The following TUBB8 variants were observed in gnomAD, a reference collection of about 807,000 sequenced individuals.
TUBB8 encodes tubulin beta-8 chain.
A neutral mutation model predicts 33.7 loss-of-function variants in TUBB8; 25 were observed. The observed-to-expected ratio is 0.74, with a 90% CI of 0.54 to 1.04. TUBB8 has a LOEUF of 1.04. Among genes scored for constraint, TUBB8 ranks in the 50% least tolerant of loss-of-function variants. TUBB8 has a pLI of 0.00. For missense variants in TUBB8, 279 were observed against 608.0 expected (o/e 0.46, Z 5.69); for synonymous variants, 245 against 240.1 (o/e 1.02, Z -0.19).
At chr10:60,837 CAAT>C (rs1834592360) in intron 1 of TUBB8, among the ~76,000 whole-genome samples, 2 of 151,786 alleles carry the variant, frequency 1.3e-5, no homozygotes, top group Non-Finnish European at 2.9e-5. Context: ...AAATGTCCAA[CAAT>C]GATAGACTGG....
At chr10:58,738 A>G (rs1834563082) in intron 1 of TUBB8, among the ~76,000 whole-genome samples, 1 of 152,250 alleles carries the variant, frequency 6.6e-6, no homozygotes, top group Admixed American at 6.5e-5. Context: ...ATCCACCCCA[A>G]TGGTTAAATC....
At chr10:48,308 A>G in intron 3 of TUBB8, 194 bp from the exon 4 acceptor site, 1 of 681,364 alleles carries the variant, frequency 1.5e-6, no homozygotes, top group Non-Finnish European at 2.6e-6. Flanking sequence ...ACAGGAGTCA[A>G]ACCTGAGACG....
chr10:65,416 T>A (rs138586528), intron 1 of TUBB8, among the ~76,000 whole-genome samples: 2 of 152,178 alleles, frequency 1.3e-5, no homozygotes, highest in Middle Eastern at 3.2e-3. Context: ...ATGTCTAGTA[T>A]AATTATTCAA....
intron 1 of TUBB8, among the ~76,000 whole-genome samples, chr10:54,498 T>C (rs1834505654): frequency 6.6e-6 from 1 of 151,922 alleles, no homozygotes; most frequent in African/African-American, 2.4e-5. Context: ...TGTTTTTGAC[T>C]GACTTCTGGA....
At chr10:48,266 C>T (rs1237048702) in intron 3 of TUBB8, 152 bp from the exon 4 acceptor site, 6 of 899,358 alleles carry the variant, frequency 6.7e-6, no homozygotes, top group Non-Finnish European at 9.0e-6. Flanking sequence ...CCCAGAGTTA[C>T]AGGACAGCAG....
At chr10:65,585 C>A (rs554396754) in intron 1 of TUBB8, among the ~76,000 whole-genome samples, 3 of 152,104 alleles carry the variant, frequency 2.0e-5, no homozygotes, top group Non-Finnish European at 4.4e-5. Context: ...ATTAGCCAGG[C>A]GTGGTGGCGG....
At chr10:74,914 G>A (rs1163460921), upstream of TUBB8, among the ~76,000 whole-genome samples, 7 of 128,518 alleles carry the variant, frequency 5.4e-5, no homozygotes, top group African/African-American at 2.0e-4. Context: ...CACTCTTATT[G>A]CCCAGGCTGG....
At chr10:75,897 G>C (rs1332450323), upstream of TUBB8, among the ~76,000 whole-genome samples, 2 of 151,878 alleles carry the variant, frequency 1.3e-5, no homozygotes, top group African/African-American at 2.4e-5. Flanking sequence ...CCAACACTTT[G>C]GGAGGCTAAG....
chr10:62,988 G>A (rs868906886), intron 1 of TUBB8, among the ~76,000 whole-genome samples: 6 of 152,236 alleles, frequency 3.9e-5, no homozygotes, highest in African/African-American at 9.6e-5. Context: ...AAATCTGCTT[G>A]ATGTTCTGTA....
chr10:64,600 G>C (rs575175733), intron 1 of TUBB8, among the ~76,000 whole-genome samples: 4 of 151,898 alleles, frequency 2.6e-5, no homozygotes, highest in Non-Finnish European at 5.9e-5. Flanking sequence ...CAAACTCTAA[G>C]CAAACCCTAA....
intron 1 of TUBB8, among the ~76,000 whole-genome samples, chr10:72,172 C>T (rs1314191451): frequency 6.6e-6 from 1 of 151,346 alleles, no homozygotes; most frequent in African/African-American, 2.4e-5. Flanking sequence ...TTGCAGTGAG[C>T]CAAGATCGGG....
chr10:48,970 C>T, intron 1 of TUBB8, 58 bp from the exon 2 acceptor site: 3 of 1,327,562 alleles, frequency 2.3e-6, no homozygotes, highest in Non-Finnish European at 3.1e-6. Context: ...GCGCCCCAGC[C>T]GCTCTCCCAC....
intron 1 of TUBB8, among the ~76,000 whole-genome samples, chr10:62,137 G>A (rs1465701728): frequency 1.3e-5 from 2 of 151,972 alleles, no homozygotes; most frequent in African/African-American, 4.8e-5. Context: ...TTTGTTACTT[G>A]TTTTCTGATT....
chr10:61,747 T>C (rs1433304277), intron 1 of TUBB8, among the ~76,000 whole-genome samples: 11 of 152,232 alleles, frequency 7.2e-5, no homozygotes, highest in Non-Finnish European at 1.5e-4. Flanking sequence ...TTAGCTCTTA[T>C]AGTATTTGCT....
At position 47,523 on chromosome 10, in the gene TUBB8, G is replaced by C. The variant is rs782663295; in HGVS notation, c.869C>G (p.Thr290Ser). Residue 290 changes from threonine (T) to serine (S), a missense_variant, in exon 4 of 4, where the codon ACC becomes AGC. By Grantham distance (58) the Thr-to-Ser change is moderately conservative. Coordinates refer to ENST00000568584, the MANE Select transcript of TUBB8 (RefSeq NM_177987.3). The stretch of plus-strand genomic sequence containing the variant: ...GTTCTTAGCATCAAACATCTGCTGG[G>C]TAAGCTCAGCCACAGTCAAGGCCCG... Reference protein sequence around the residue: ...QYRALTVAELTQQMFDAKNMM... With the variant: ...QYRALTVAELSQQMFDAKNMM... 1.2e-6 allele frequency: 2 copies of C among 1,612,160 alleles called. No homozygotes were observed. Among genetic ancestry groups the C allele is most frequent in the South Asian group, 2.2e-5 (2 of 91,006 alleles).
chr10:59,826 A>G (rs1834575169), intron 1 of TUBB8, among the ~76,000 whole-genome samples: 1 of 152,126 alleles, frequency 6.6e-6, no homozygotes, highest in African/African-American at 2.4e-5. Flanking sequence ...TGGTCTGTTC[A>G]GGTTTTGGAT....
At chr10:64,353 C>A (rs1834641596) in intron 1 of TUBB8, among the ~76,000 whole-genome samples, 1 of 151,948 alleles carries the variant, frequency 6.6e-6, no homozygotes, top group Non-Finnish European at 1.5e-5. Flanking sequence ...TTACCCTAAC[C>A]CTAACCCCCA....
upstream of TUBB8, among the ~76,000 whole-genome samples, chr10:75,220 GT>G (rs1159140722): frequency 1.3e-5 from 2 of 151,662 alleles, no homozygotes; most frequent in Non-Finnish European, 2.9e-5. Flanking sequence ...ATGGTGGCTG[GT>G]GCCTATACTC....
intron 1 of TUBB8, among the ~76,000 whole-genome samples, chr10:59,485 G>A (rs1457442608): frequency 6.6e-6 from 1 of 152,170 alleles, no homozygotes; most frequent in African/African-American, 2.4e-5. Flanking sequence ...CACTGCTCCT[G>A]GCCCCTTCAT....
Sources: gnomAD v4.1 joint callset for allele counts (sites outside exome capture counted in the v4.1 genomes callset) on GRCh38, gnomAD v4.1.1 for gene constraint, MANE v1.5 for transcripts, NCBI Gene and HGNC (gene_info 2026-07-23, HGNC 2026-07-21) for gene names.